RABGAP1: variants seen among roughly 807,000 people sequenced by gnomAD.
RABGAP1 encodes rab GTPase-activating protein 1.
Under a neutral mutation model 137.6 loss-of-function variants are expected in RABGAP1, and 23 were observed. The ratio of observed to expected loss-of-function variants is 0.17; its 90% confidence interval spans 0.12 to 0.24. RABGAP1 has a LOEUF of 0.24. RABGAP1 is among the 10% of genes least tolerant of loss of function. RABGAP1 has a pLI of 1.00. For synonymous variants in RABGAP1, 451 were observed against 450.7 expected (o/e 1.00, Z -0.01); for missense variants, 906 against 1,275.8 (o/e 0.71, Z 4.42).
At chr9:122,995,918 T>A in intron 6 of RABGAP1, 123 bp from the exon 7 acceptor site, 1 of 1,440,808 alleles carries the variant, frequency 6.9e-7, no homozygotes, top group African/African-American at 1.5e-5. Context: ...TTTTCTTTTT[T>A]GTTATTATTT....
chr9:123,063,129 G>A (rs1397578949), intron 13 of RABGAP1: 1 of 152,280 alleles, frequency 6.6e-6, no homozygotes, highest in Admixed American at 6.5e-5. Flanking sequence ...TTTTCAGGTT[G>A]TCATCTCCGT....
At chr9:122,933,774 G>A in the RABGAP1 span, among the ~76,000 whole-genome samples, 4 of 151,928 alleles carry the variant, frequency 2.6e-5, no homozygotes, top group African/African-American at 4.8e-5. Flanking sequence ...ACAGGTGCAC[G>A]CCACCATGCC....
intron 2 of RABGAP1, among the ~76,000 whole-genome samples, chr9:122,958,328 G>A (rs1228874209): frequency 1.3e-5 from 2 of 152,140 alleles, no homozygotes; most frequent in African/African-American, 4.8e-5. Context: ...TGTTTGGGGA[G>A]GTGTAGAGCT....
intron 9 of RABGAP1, 50 bp from the exon 10 acceptor site, chr9:122,998,547 A>G (rs1188152517): frequency 4.6e-6 from 6 of 1,314,512 alleles, no homozygotes; most frequent in Non-Finnish European, 5.1e-6. Context: ...ATGAGCAAAT[A>G]TATTTGTGTT....
intron 2 of RABGAP1, among the ~76,000 whole-genome samples, chr9:122,958,965 C>T (rs1030218211): frequency 1.3e-5 from 2 of 152,118 alleles, no homozygotes; most frequent in South Asian, 2.1e-4. Flanking sequence ...ACCATGATCA[C>T]ACCACTGTAC....
intron 14 of RABGAP1, among the ~76,000 whole-genome samples, chr9:123,067,443 T>C (rs1470433600): frequency 6.6e-6 from 1 of 152,256 alleles, no homozygotes; most frequent in East Asian, 1.9e-4. Flanking sequence ...TTATAACTGC[T>C]ACTTTATAAC....
At chr9:122,977,756 CAG>C in intron 2 of RABGAP1, among the ~76,000 whole-genome samples, 1 of 151,718 alleles carries the variant, frequency 6.6e-6, no homozygotes, top group South Asian at 2.1e-4. Context: ...AAGTTTTGGA[CAG>C]AATAAGTTTG....
Position 122,989,378 on chromosome 9 carries a change from A to T in RABGAP1, c.672A>T (p.Gly224=), listed in dbSNP as rs1204073880. The T allele has an allele frequency of 1.2e-6, 2 of 1,613,888 alleles. No individual in the cohort carries two copies. Among genetic ancestry groups the T allele is most frequent in the Admixed American group, 1.7e-5 (1 of 60,000 alleles). The change falls in exon 5 of 26, where the codon GGA becomes GGT. Residue 224 remains glycine, a synonymous_variant. Transcript: ENST00000373647. ...KILFCVRGHD[G]TPESDCFAFT... is the part of the protein sequence containing the mutation. ...TCTTCTGTGTCAGAGGGCATGATGGAACTCCTGAGAGTGACTGTTTTGCTT... is the reference window on the plus strand; with the variant it reads ...TCTTCTGTGTCAGAGGGCATGATGGTACTCCTGAGAGTGACTGTTTTGCTT...
chr9:123,027,108 C>CTTTTTTTTTTTTTTTTTTT (rs71388345), intron 13 of RABGAP1, among the ~76,000 whole-genome samples: 1 of 100,066 alleles, frequency 1.0e-5, no homozygotes, highest in Non-Finnish European at 2.2e-5. Flanking sequence ...TCTTTCTTTT[C>CTTTTTTTTTTTTTTTTTTT]TTTTTTTTTT....
At chr9:123,059,559 T>G (rs1306909246) in intron 13 of RABGAP1, among the ~76,000 whole-genome samples, 1 of 151,866 alleles carries the variant, frequency 6.6e-6, no homozygotes, top group Non-Finnish European at 1.5e-5. Context: ...CGTCTCAAAA[T>G]AAATAAAAAT....
intron 10 of RABGAP1, among the ~76,000 whole-genome samples, chr9:123,002,534 T>C (rs1837378760): frequency 6.6e-6 from 1 of 151,638 alleles, no homozygotes; most frequent in Non-Finnish European, 1.5e-5. Context: ...TCTAATGTTA[T>C]ACAACCTTGG....
At chr9:123,086,465 A>G (rs1024571209) in intron 19 of RABGAP1, among the ~76,000 whole-genome samples, 1 of 152,144 alleles carries the variant, frequency 6.6e-6, no homozygotes, top group Non-Finnish European at 1.5e-5. Context: ...TCTCCCAGAT[A>G]TGGCCTCAAA....
chr9:123,023,754 A>C (rs1355900532), intron 13 of RABGAP1, among the ~76,000 whole-genome samples: 1 of 152,154 alleles, frequency 6.6e-6, no homozygotes, highest in Non-Finnish European at 1.5e-5. Flanking sequence ...TATTATACTT[A>C]TTTAGACAAT....
chr9:123,089,904 G>GAAAGC, intron 20 of RABGAP1, 54 bp downstream of exon 20: 2 of 1,455,800 alleles, frequency 1.4e-6, no homozygotes, highest in Non-Finnish European at 1.9e-6. Context: ...CATTTCATAT[G>GAAAGC]ATTGCGCCTG....
intron 13 of RABGAP1, among the ~76,000 whole-genome samples, chr9:123,058,735 A>G (rs1564167915): frequency 6.6e-6 from 1 of 152,258 alleles, no homozygotes; most frequent in African/African-American, 2.4e-5. Context: ...AAATTGTGCC[A>G]TGCCAGTCAC....
At chr9:123,054,546 A>G (rs2033617458) in intron 13 of RABGAP1, among the ~76,000 whole-genome samples, 1 of 152,190 alleles carries the variant, frequency 6.6e-6, no homozygotes, top group Non-Finnish European at 1.5e-5. Context: ...TTGTATTATT[A>G]TGGTACATTT....
intron 19 of RABGAP1, among the ~76,000 whole-genome samples, chr9:123,083,431 C>G (rs2034774211): frequency 6.6e-6 from 1 of 152,216 alleles, no homozygotes; most frequent in Admixed American, 6.5e-5. Context: ...GATGCTCTCT[C>G]TGTAATGAAC....
At position 123,058,659 on chromosome 9, in the gene RABGAP1, A is replaced by G. The variant is rs2033845155; in HGVS notation, c.1795-6689A>G. Among the ~76,000 whole-genome samples, 4 of 152,336 alleles carry G rather than the reference A, an allele frequency of 2.6e-5. No homozygotes were observed. In the South Asian group the frequency reaches 8.3e-4, roughly 32 times the overall value. ...GTTAATTCTCAGTATTTGTTTAGTGAATAAATTTAAGAAGTGCTGATATTT... is the reference window on the plus strand; with the variant it reads ...GTTAATTCTCAGTATTTGTTTAGTGGATAAATTTAAGAAGTGCTGATATTT... On this transcript the variant is annotated intron_variant, in intron 13 of 25. Coordinates refer to ENST00000373647, the MANE Select transcript of RABGAP1 (RefSeq NM_012197.4).
intron 10 of RABGAP1, among the ~76,000 whole-genome samples, chr9:123,008,704 A>G: frequency 6.6e-6 from 1 of 152,212 alleles, no homozygotes; most frequent in East Asian, 1.9e-4. Context: ...TTATCAATTT[A>G]GAATGAACAT....
Sources: gnomAD v4.1 joint callset for allele counts (sites outside exome capture counted in the v4.1 genomes callset) on GRCh38, gnomAD v4.1.1 for gene constraint, MANE v1.5 for transcripts, NCBI Gene and HGNC (gene_info 2026-07-23, HGNC 2026-07-21) for gene names.